PAG1: variants seen among roughly 807,000 people sequenced by gnomAD.
The protein encoded by PAG1 is phosphoprotein membrane anchor with glycosphingolipid microdomains 1, also known as phosphoprotein associated with glycosphingolipid-enriched microdomains 1.
In PAG1, 23 loss-of-function variants were observed where a neutral mutation model predicts 31.7. The ratio of observed to expected loss-of-function variants is 0.73; its 90% CI spans 0.52 to 1.03. PAG1 has a LOEUF of 1.03. PAG1 is among the 50% of genes least tolerant of loss of function. The pLI, the probability that PAG1 is intolerant of heterozygous loss-of-function variation, is 0.00. For synonymous variants in PAG1, 214 were observed against 210.3 expected (o/e 1.02, Z -0.15); for missense variants, 473 against 540.7 (o/e 0.87, Z 1.24).
chr8:80,997,778 A>G (rs773621025), intron 3 of PAG1, among the ~76,000 whole-genome samples: 1 of 152,238 alleles, frequency 6.6e-6, no homozygotes, highest in Non-Finnish European at 1.5e-5. Context: ...TGTTTGCTAT[A>G]AAATAGGCTT....
chr8:81,009,462 C>A (rs1456468063), intron 3 of PAG1, among the ~76,000 whole-genome samples: 2 of 152,134 alleles, frequency 1.3e-5, no homozygotes, highest in Non-Finnish European at 2.9e-5. Context: ...ACCTTAGGGA[C>A]CATAAGCTCT....
At chr8:81,056,114 T>G (rs952274506) in intron 2 of PAG1, among the ~76,000 whole-genome samples, 1 of 152,212 alleles carries the variant, frequency 6.6e-6, no homozygotes, top group African/African-American at 2.4e-5. Context: ...TAGCTCTTAT[T>G]ATTTTGAAAT....
At chr8:80,982,562 A>C (rs1563615418) in intron 7 of PAG1, among the ~76,000 whole-genome samples, 1 of 151,716 alleles carries the variant, frequency 6.6e-6, no homozygotes, top group African/African-American at 2.4e-5. Context: ...TCTGTGGATG[A>C]CTCCCACATC....
chr8:81,034,468 G>C (rs1163946877), intron 2 of PAG1, among the ~76,000 whole-genome samples: 1 of 152,170 alleles, frequency 6.6e-6, no homozygotes, highest in Non-Finnish European at 1.5e-5. Flanking sequence ...CATCATTCCA[G>C]TAAATACAAT....
At chr8:81,109,898 C>A (rs139906856) in intron 1 of PAG1, among the ~76,000 whole-genome samples, 1 of 152,290 alleles carries the variant, frequency 6.6e-6, no homozygotes, top group Non-Finnish European at 1.5e-5. Context: ...AACCAGGCTG[C>A]AATAGGGCTT....
At chr8:81,021,201 G>A (rs1808161353) in intron 3 of PAG1, among the ~76,000 whole-genome samples, 1 of 152,200 alleles carries the variant, frequency 6.6e-6, no homozygotes, top group Non-Finnish European at 1.5e-5. Flanking sequence ...AGAAGACATT[G>A]ACAACAGGAG....
chr8:81,091,611 T>C (rs1182175233), intron 1 of PAG1, among the ~76,000 whole-genome samples: 2 of 152,202 alleles, frequency 1.3e-5, no homozygotes, highest in Non-Finnish European at 2.9e-5. Flanking sequence ...AGTAACAATA[T>C]GATTTTATAA....
In PAG1 at chr8:80,974,449, A is replaced by T. The variant is rs1477714531; in HGVS notation, c.*2095T>A. 2 of 152,244 alleles carry T rather than the reference A, an allele frequency of 1.3e-5. No individual in the cohort carries two copies. The highest frequency in any genetic ancestry group is 2.4e-5 in the African/African-American group (1 of 41,470). 9.4% of individuals were successfully genotyped at this position (152,244 alleles called of 1,614,324 possible). ...AATGCAAGGTACGAACTTCTCTCTA[A>T]TCCAAGGGTATTCTGCTGTGATCTT... On this transcript the variant is annotated 3_prime_UTR_variant, in exon 9 of 9. Coordinates refer to ENST00000220597, the MANE Select transcript of PAG1 (RefSeq NM_018440.4).
At chr8:80,996,868 G>C (rs1563622725) in intron 3 of PAG1, among the ~76,000 whole-genome samples, 2 of 152,228 alleles carry the variant, frequency 1.3e-5, no homozygotes, top group African/African-American at 2.4e-5. Flanking sequence ...TGAGTGATGG[G>C]GGAGACAGTA....
chr8:81,030,488 A>T (rs1808361288), intron 2 of PAG1, among the ~76,000 whole-genome samples: 1 of 152,254 alleles, frequency 6.6e-6, no homozygotes, highest in African/African-American at 2.4e-5. Flanking sequence ...CAAGTGATTT[A>T]TTTGAAAAGA....
chr8:81,098,889 G>T (rs1365075876), intron 1 of PAG1, among the ~76,000 whole-genome samples: 1 of 152,198 alleles, frequency 6.6e-6, no homozygotes, highest in Non-Finnish European at 1.5e-5. Flanking sequence ...GAAAGAAGAT[G>T]AAATGCAATA....
chr8:81,109,182 T>A (rs182484925), intron 1 of PAG1, among the ~76,000 whole-genome samples: 1 of 152,258 alleles, frequency 6.6e-6, no homozygotes, highest in African/African-American at 2.4e-5. Context: ...TTAGGAGGTA[T>A]GGAAGCATGG....
intron 3 of PAG1, among the ~76,000 whole-genome samples, chr8:81,026,161 C>A (rs1212964925): frequency 6.6e-6 from 1 of 151,960 alleles, no homozygotes; most frequent in African/African-American, 2.4e-5. Context: ...AGTGCTTAGA[C>A]CAGTGCTTGC....
chr8:81,107,369 C>T (rs566219647), intron 1 of PAG1, among the ~76,000 whole-genome samples: 1 of 152,206 alleles, frequency 6.6e-6, no homozygotes, highest in South Asian at 2.1e-4. Context: ...ATAATATAGT[C>T]CATCTATATT....
intron 2 of PAG1, among the ~76,000 whole-genome samples, chr8:81,036,269 C>A (rs1489223140): frequency 1.3e-5 from 2 of 152,170 alleles, no homozygotes; most frequent in Non-Finnish European, 2.9e-5. Context: ...AGGAAGAGAG[C>A]AATTTATTAA....
At position 80,976,865 on chromosome 8, in the gene PAG1, T is replaced by C. The variant is rs1807195997; in HGVS notation, c.978A>G (p.Leu326=). The C allele has an allele frequency of 1.2e-6, 2 of 1,613,556 alleles. No homozygotes were observed. Among genetic ancestry groups the C allele is most frequent in the Non-Finnish European group, 1.7e-6 (2 of 1,179,540 alleles). The change falls in exon 9 of 9, where the codon TTA becomes TTG. Residue 326 remains leucine, a synonymous_variant. Transcript: ENST00000220597. ...MYSSVNKPGQ[L]VNKSGQSLTV... ...TAAGCGACTGCCCCGATTTATTCAC[T>C]AACTGTCCAGGTTTATTTACTGATG...
At chr8:81,110,479 G>C (rs1205143518) in intron 1 of PAG1, among the ~76,000 whole-genome samples, 1 of 152,180 alleles carries the variant, frequency 6.6e-6, no homozygotes, top group Non-Finnish European at 1.5e-5. Context: ...GAACAGCTGA[G>C]AAAGAAAGGT....
chr8:80,987,621 G>A, intron 5 of PAG1, 155 bp from the exon 6 acceptor site: 1 of 582,940 alleles, frequency 1.7e-6, no homozygotes, highest in South Asian at 1.9e-5. Context: ...TCTACAGAGG[G>A]TACATTTCAA....
chr8:81,105,523 G>A (rs1809680160), intron 1 of PAG1, among the ~76,000 whole-genome samples: 1 of 152,176 alleles, frequency 6.6e-6, no homozygotes, highest in Admixed American at 6.5e-5. Flanking sequence ...GCTGAATGCA[G>A]AAGGTGTGGT....
Sources: allele counts gnomAD v4.1 joint callset (sites outside exome capture counted in the v4.1 genomes callset), GRCh38; gene constraint gnomAD v4.1.1; transcripts MANE v1.5; gene names NCBI Gene and HGNC (gene_info 2026-07-23, HGNC 2026-07-21).